Variants in TENM1 observed in about 807,000 individuals in gnomAD.
The protein encoded by TENM1 is teneurin-1.
In TENM1, 35 loss-of-function variants were observed where a neutral mutation model predicts 174.8. The observed-to-expected ratio is 0.20, with a 90% CI of 0.15 to 0.27. The LOEUF (loss-of-function observed/expected upper bound fraction) is 0.27. Ranked by LOEUF, TENM1 falls within the 10% of genes least tolerant of loss-of-function variation. The pLI is 1.00. For synonymous variants in TENM1, 781 were observed against 798.7 expected, an observed-to-expected ratio of 0.98 and a Z score of 0.37; for missense variants, 1,633 against 2,130.1, an observed-to-expected ratio of 0.77 and a Z score of 4.59.
chrX:125,156,787 G>A, the TENM1 span, among the ~76,000 whole-genome samples: 1 of 111,732 alleles, frequency 8.9e-6, no homozygotes, highest in East Asian at 2.8e-4. Flanking sequence ...TCATGAGTTC[G>A]CTGGATTGAA....
intron 23 of TENM1, among the ~76,000 whole-genome samples, chrX:124,430,628 C>G (rs1321798268): frequency 8.9e-6 from 1 of 111,877 alleles, no homozygotes; most frequent in Non-Finnish European, 1.9e-5. Flanking sequence ...GTCTATTGTT[C>G]TGTTCCTTGG....
chrX:124,907,200 AC>A (rs1447879969), intron 1 of TENM1, among the ~76,000 whole-genome samples: 1 of 112,242 alleles, frequency 8.9e-6, no homozygotes, highest in African/African-American at 3.2e-5. Flanking sequence ...GGCTGATAAA[AC>A]AGAAAAACCA....
At chrX:124,447,043 G>A (rs990237444) in intron 23 of TENM1, among the ~76,000 whole-genome samples, 7 of 110,990 alleles carry the variant, frequency 6.3e-5, no homozygotes, top group East Asian at 2.8e-4. Context: ...GCCCTCACCC[G>A]TCAATATATT....
intron 1 of TENM1, among the ~76,000 whole-genome samples, chrX:124,950,304 C>G (rs748670930): frequency 8.9e-6 from 1 of 111,886 alleles, no homozygotes; most frequent in South Asian, 3.7e-4. Flanking sequence ...CTTTTTAATT[C>G]AATTTACTAA....
At chrX:124,719,449 T>C (rs1387193802) in intron 4 of TENM1, among the ~76,000 whole-genome samples, 4 of 111,750 alleles carry the variant, frequency 3.6e-5, no homozygotes, top group African/African-American at 6.5e-5. Flanking sequence ...GATTAAAATA[T>C]GCAGAATATA....
the TENM1 span, among the ~76,000 whole-genome samples, chrX:125,019,327 C>CA: frequency 9.1e-6 from 1 of 110,490 alleles, no homozygotes; most frequent in Non-Finnish European, 1.9e-5. Flanking sequence ...AAAGAGGAAG[C>CA]AAAAATTAAA....
chrX:124,491,499 G>A (rs1427375006), intron 20 of TENM1, among the ~76,000 whole-genome samples: 3 of 111,503 alleles, frequency 2.7e-5, no homozygotes, highest in Non-Finnish European at 3.8e-5. Flanking sequence ...TTAATTGTAT[G>A]ATCTTATAAG....
chrX:124,993,826 A>G, the TENM1 span, among the ~76,000 whole-genome samples: 1 of 110,796 alleles, frequency 9.0e-6, no homozygotes, highest in Non-Finnish European at 1.9e-5. Flanking sequence ...ACACACACAC[A>G]CACACAAATA....
At chrX:124,863,558 G>C (rs992460778) in intron 3 of TENM1, among the ~76,000 whole-genome samples, 9 of 112,171 alleles carry the variant, frequency 8.0e-5, no homozygotes, top group Admixed American at 5.6e-4. Context: ...AGAAGAGTGG[G>C]AAGGACTGTC....
intron 23 of TENM1, among the ~76,000 whole-genome samples, chrX:124,442,649 G>T (rs992261004): frequency 1.8e-5 from 2 of 111,598 alleles, no homozygotes; most frequent in African/African-American, 6.5e-5. Flanking sequence ...GGGAAAAGAA[G>T]GTGCCTTTTC....
the TENM1 span, among the ~76,000 whole-genome samples, chrX:125,132,914 T>C: frequency 8.9e-6 from 1 of 112,188 alleles, no homozygotes; most frequent in African/African-American, 3.2e-5. Flanking sequence ...AACATTATTA[T>C]GAAGGTAAAA....
chrX:124,657,707 T>C (rs912634132), intron 6 of TENM1, among the ~76,000 whole-genome samples: 1 of 112,043 alleles, frequency 8.9e-6, no homozygotes, highest in African/African-American at 3.2e-5. Context: ...TGATAGAAGA[T>C]AGTGAAACAT....
At chrX:124,597,211 G>C (rs2049916823) in intron 11 of TENM1, among the ~76,000 whole-genome samples, 1 of 111,756 alleles carries the variant, frequency 8.9e-6, no homozygotes, top group East Asian at 2.8e-4. Flanking sequence ...TATGGAAAAA[G>C]ACACTTGCAC....
chrX:125,124,020 G>A, the TENM1 span, among the ~76,000 whole-genome samples: 5 of 112,502 alleles, frequency 4.4e-5, no homozygotes, highest in East Asian at 1.4e-3. Flanking sequence ...CTTTGAGGTT[G>A]GGTTTCTTCC....
intron 11 of TENM1, among the ~76,000 whole-genome samples, chrX:124,579,154 T>C (rs1183720623): frequency 2.7e-5 from 3 of 111,875 alleles, no homozygotes; most frequent in Non-Finnish European, 5.6e-5. Flanking sequence ...TATTGGTTAC[T>C]CTTCTCTGCA....
At chrX:124,464,261 G>T (rs1453886015) in intron 22 of TENM1, among the ~76,000 whole-genome samples, 2 of 111,482 alleles carry the variant, frequency 1.8e-5, no homozygotes, top group Non-Finnish European at 3.8e-5. Context: ...TTGCACTCTA[G>T]GGAAAATGAG....
At chrX:124,592,642 C>T (rs1434528510) in intron 11 of TENM1, among the ~76,000 whole-genome samples, 1 of 109,961 alleles carries the variant, frequency 9.1e-6, no homozygotes, top group East Asian at 2.9e-4. Context: ...CCTATGTTGG[C>T]CAGGCTGGTC....
At chrX:124,911,582 G>A (rs909464209) in intron 1 of TENM1, among the ~76,000 whole-genome samples, 3 of 111,963 alleles carry the variant, frequency 2.7e-5, no homozygotes, top group African/African-American at 6.5e-5. Flanking sequence ...AAGTGGATAA[G>A]AGCATTTCTA....
the TENM1 span, among the ~76,000 whole-genome samples, chrX:125,186,334 C>T: frequency 2.7e-5 from 3 of 111,302 alleles, no homozygotes; most frequent in Admixed American, 1.9e-4. Flanking sequence ...CTTTTACCAA[C>T]GTCCCACATG....
Sources: gnomAD v4.1 joint callset for allele counts (sites outside exome capture counted in the v4.1 genomes callset) on GRCh38, gnomAD v4.1.1 for gene constraint, MANE v1.5 for transcripts, NCBI Gene and HGNC (gene_info 2026-07-23, HGNC 2026-07-21) for gene names.